Variants in KIF24 observed in about 807,000 individuals in gnomAD.
The protein encoded by KIF24 is kinesin-like protein KIF24.
In KIF24, 81 loss-of-function variants were observed where a neutral mutation model predicts 118.9. The ratio of observed to expected loss-of-function variants is 0.68; its 90% confidence interval spans 0.57 to 0.82. The LOEUF (loss-of-function observed/expected upper bound fraction) is 0.82. KIF24 is among the 40% of genes least tolerant of loss of function. KIF24 has a pLI of 0.00. For missense variants in KIF24, 1,560 were observed against 1,661.6 expected, an observed-to-expected ratio of 0.94 and a Z score of 1.06; for synonymous variants, 599 against 610.0, an observed-to-expected ratio of 0.98 and a Z score of 0.27.
chr9:34,318,730 C>A lies in KIF24; in HGVS notation c.-25-7359G>T. On this transcript the variant is annotated intron_variant, in intron 1 of 12. Coordinates refer to ENST00000402558, the MANE Select transcript of KIF24 (RefSeq NM_194313.4). The surrounding 1 kb of genome is among the most constrained non-coding windows in gnomAD (Gnocchi z 4.9). ...AGCTGAGCGACGAGGAGGTGCACGC[C>A]GGCGTGGGCGAGCCGCTGCGTTCAC... 1.3e-6 allele frequency: 2 copies of A among 1,503,634 alleles called. No individual in the cohort carries two copies. The highest frequency in any genetic ancestry group is 1.8e-6 in the Non-Finnish European group (2 of 1,101,494). 93.1% of individuals were successfully genotyped at this position (1,503,634 alleles called of 1,614,324 possible).
At chr9:34,276,472 T>G (rs1255762319) in intron 6 of KIF24, among the ~76,000 whole-genome samples, 1 of 152,032 alleles carries the variant, frequency 6.6e-6, no homozygotes, top group Non-Finnish European at 1.5e-5. Flanking sequence ...CATTTTAATT[T>G]ATATCATATT....
Position 34,296,229 on chromosome 9 carries a change from A to C in KIF24, c.911+788T>G, listed in dbSNP as rs1836469217. Among the ~76,000 whole-genome samples, 4 of 144,628 alleles carry C rather than the reference A, an allele frequency of 2.8e-5. No homozygotes were observed. The East Asian group carries it at 6.1e-4, about 22-fold the overall frequency. The allele number at this position is 144,628 out of a possible 152,430, so 94.9% of individuals were successfully genotyped here. A position where few individuals can be genotyped will look rare whatever the true frequency, so the allele number is the denominator to read the frequency against. ...GTGAGACTCTGTCTCAAAAAAAAAAAAAAAAACATCTATGAGGCCGGGCGT... is the reference window on the plus strand; with the variant it reads ...GTGAGACTCTGTCTCAAAAAAAAAACAAAAAACATCTATGAGGCCGGGCGT... On this transcript the variant is annotated intron_variant, in intron 4 of 12. Transcript: ENST00000402558.
rs576282866 is a variant in KIF24 at position 34,266,798 on chromosome 9, G to A, written c.1443+2459C>T. The stretch of plus-strand genomic sequence containing the variant: ...AAATGAGCCTAGAACATAGGCTCTT[G>A]TCATATCAGAAAGCCAGGAAGCTAT... On this transcript the variant is annotated intron_variant, in intron 8 of 12. Transcript: ENST00000402558. Among the ~76,000 whole-genome samples, 3 of 152,178 alleles carry A rather than the reference G, an allele frequency of 2.0e-5. No individual in the cohort carries two copies. In the South Asian group the frequency reaches 6.2e-4, roughly 32 times the overall value.
intron 3 of KIF24, among the ~76,000 whole-genome samples, chr9:34,305,974 A>G (rs991748540): frequency 6.6e-6 from 1 of 152,200 alleles, no homozygotes; most frequent in Non-Finnish European, 1.5e-5. Context: ...GTATAATTAA[A>G]TTCACACAAA....
chr9:34,279,065 C>T (rs1234439019), intron 6 of KIF24, among the ~76,000 whole-genome samples: 1 of 152,174 alleles, frequency 6.6e-6, no homozygotes, highest in East Asian at 1.9e-4. Flanking sequence ...GATTGCACCA[C>T]TGCACTCCTG....
intron 12 of KIF24, among the ~76,000 whole-genome samples, chr9:34,254,804 C>T (rs1834756758): frequency 6.6e-6 from 1 of 152,038 alleles, no homozygotes; most frequent in African/African-American, 2.4e-5. Flanking sequence ...GGAGGGGCCC[C>T]GACAAACCGC....
chr9:34,255,647 G>A, intron 11 of KIF24, 88 bp downstream of exon 11: 1 of 1,216,926 alleles, frequency 8.2e-7, no homozygotes, highest in Middle Eastern at 2.5e-4. Context: ...CCCCTGCATG[G>A]CTTCTCTTTG....
chr9:34,286,721 G>A lies in KIF24; in HGVS notation c.1128-17C>T. 1.3e-6 allele frequency: 2 copies of A among 1,580,650 alleles called. No homozygotes were observed. Among genetic ancestry groups the A allele is most frequent in the Non-Finnish European group, 1.7e-6 (2 of 1,150,266 alleles). ...GCAAAGAGCCTGCAGATGCAAGAAA[G>A]TGGTTGGTATGATGGTGCTACTAAA... On this transcript the variant is annotated splice_polypyrimidine_tract_variant and intron_variant, in intron 5 of 12. Coordinates refer to ENST00000402558, the MANE Select transcript of KIF24 (RefSeq NM_194313.4).
intron 7 of KIF24, 39 bp downstream of exon 7, chr9:34,271,770 A>C: frequency 6.2e-7 from 1 of 1,606,912 alleles, no homozygotes; most frequent in Non-Finnish European, 8.5e-7. Flanking sequence ...ACATTAAAGG[A>C]AAGGCAGACA....
intron 9 of KIF24, among the ~76,000 whole-genome samples, chr9:34,261,890 G>A (rs979543258): frequency 2.6e-5 from 4 of 152,092 alleles, no homozygotes; most frequent in African/African-American, 9.7e-5. Flanking sequence ...AGGTAGCTAC[G>A]TCACCCTATT....
chr9:34,310,657 T>A, intron 2 of KIF24, 67 bp downstream of exon 2: 2 of 1,166,572 alleles, frequency 1.7e-6, no homozygotes, highest in Non-Finnish European at 2.4e-6. Context: ...CTGCTGGACA[T>A]GAAGGAGAGG....
intron 6 of KIF24, among the ~76,000 whole-genome samples, chr9:34,279,795 T>C (rs1293778933): frequency 4.6e-5 from 7 of 152,224 alleles, no homozygotes; most frequent in Non-Finnish European, 8.8e-5. Flanking sequence ...TGCTGTTGTT[T>C]CAAGTCAATA....
chr9:34,317,280 C>A (rs778692181), intron 1 of KIF24, among the ~76,000 whole-genome samples: 10 of 151,558 alleles, frequency 6.6e-5, no homozygotes, highest in Non-Finnish European at 1.2e-4. Flanking sequence ...ATCCCAGCTA[C>A]TCTGGAGGCT....
At position 34,318,699 on chromosome 9, in the gene KIF24, C is replaced by T. The variant is rs1276224996; in HGVS notation, c.-25-7328G>A. 4.6e-6 allele frequency: 7 copies of T among 1,529,692 alleles called. No homozygotes were observed. The highest frequency in any genetic ancestry group is 6.2e-6 in the Non-Finnish European group (7 of 1,125,710). 94.8% of individuals were successfully genotyped at this position (1,529,692 alleles called of 1,614,324 possible). Reference sequence around the variant, plus strand: ...TCGGAGGCCAAGGCAGTGCTGAGTGCCAAGCAGCTGAGCGACGAGGAGGTG... The same window carrying T: ...TCGGAGGCCAAGGCAGTGCTGAGTGTCAAGCAGCTGAGCGACGAGGAGGTG... On this transcript the variant is annotated intron_variant, in intron 1 of 12. Transcript: ENST00000402558. The surrounding 1 kb of genome is among the most constrained non-coding windows in gnomAD (Gnocchi z 4.9).
Position 34,321,275 on chromosome 9 carries a change from A to G in KIF24, c.-26+7831T>C, listed in dbSNP as rs1224147931. ...TAGACTACCAAAGTGTTTGCGCAGT[A>G]GTAACTAGTATAGCAGATTACTAGA... is the stretch of plus-strand genomic sequence containing the variant. On this transcript the variant is annotated intron_variant, in intron 1 of 12. Coordinates refer to ENST00000402558, the MANE Select transcript of KIF24 (RefSeq NM_194313.4). Among the ~76,000 whole-genome samples, 3 of 152,188 alleles carry G rather than the reference A, an allele frequency of 2.0e-5. No individual in the cohort carries two copies. In the East Asian group the frequency reaches 5.8e-4, roughly 29 times the overall value.
At chr9:34,322,616 G>A (rs1343190804) in intron 1 of KIF24, among the ~76,000 whole-genome samples, 1 of 152,156 alleles carries the variant, frequency 6.6e-6, no homozygotes, top group African/African-American at 2.4e-5. Flanking sequence ...CACTTGGGGA[G>A]GCCAAGGTGG....
intron 6 of KIF24, among the ~76,000 whole-genome samples, chr9:34,275,050 T>C (rs1835608358): frequency 6.6e-6 from 1 of 151,984 alleles, no homozygotes; most frequent in Non-Finnish European, 1.5e-5. Flanking sequence ...AAAAAAGAAA[T>C]AATGAATAAG....
rs773010794 is a variant in KIF24 at position 34,310,845 on chromosome 9, T to C, written c.502A>G (p.Ser168Gly). 1 of 1,614,054 alleles carries C rather than the reference T, an allele frequency of 6.2e-7. No homozygotes were observed. ...AGDSYVQTEI[S>G]TSLFSPNYLS... ...TAATTTGGTGAAAAGAGTGAAGTGC[T>C]GATTTCTGTTTGCACATAGGAATCA... The change falls in exon 2 of 13, where the codon AGC becomes GGC. Residue 168 changes from serine (S) to glycine (G), a missense_variant. Around this residue, in one of 3 missense-constraint regions of KIF24, gnomAD observed 964 missense variants for 988.0 expected, o/e 0.98. Transcript: ENST00000402558.
At position 34,319,696 on chromosome 9, in the gene KIF24, G is replaced by C. The variant is rs561679751; in HGVS notation, c.-25-8325C>G. The C allele has an allele frequency of 5.5e-6, 4 of 724,304 alleles. No homozygotes were observed. In the African/African-American group the frequency reaches 6.9e-5, roughly 13 times the overall value. The allele number at this position is 724,304 out of a possible 1,614,324, so 44.9% of individuals were successfully genotyped here. A position where few individuals can be genotyped will look rare whatever the true frequency, so the allele number is the denominator to read the frequency against. On this transcript the variant is annotated intron_variant, in intron 1 of 12. Coordinates refer to ENST00000402558, the MANE Select transcript of KIF24 (RefSeq NM_194313.4). ...ACAGGATGGCAGGAGGCAGCCAAAGGCTTCTGAGACACATGGGTGCTACTG... is the reference window on the plus strand; with the variant it reads ...ACAGGATGGCAGGAGGCAGCCAAAGCCTTCTGAGACACATGGGTGCTACTG...
Sources: gnomAD v4.1 joint callset for allele counts (sites outside exome capture counted in the v4.1 genomes callset) on GRCh38, gnomAD v4.1.1 for gene constraint, gnomAD v4.1.1 regional missense constraint, Gnocchi (gnomAD v3.1) non-coding constraint, MANE v1.5 for transcripts, NCBI Gene and HGNC (gene_info 2026-07-23, HGNC 2026-07-21) for gene names.